Variants in CSMD1 observed in about 807,000 individuals in gnomAD.
CSMD1 encodes the protein CUB and sushi domain-containing protein 1.
A neutral mutation model predicts 417.5 loss-of-function variants in CSMD1; 213 were observed. The ratio of observed to expected loss-of-function variants is 0.51; its 90% CI spans 0.46 to 0.57. CSMD1 has a LOEUF of 0.57. Ranked by LOEUF, CSMD1 falls within the 20% of genes least tolerant of loss-of-function variation. The pLI is 0.00. For missense variants in CSMD1, 6,923 were observed against 4,529.7 expected (o/e 1.53, Z -15.17); for synonymous variants, 2,862 against 1,736.8 (o/e 1.65, Z -16.11).
At chr8:4,943,737 T>C (rs1054028425) in intron 1 of CSMD1, among the ~76,000 whole-genome samples, 1 of 152,132 alleles carries the variant, frequency 6.6e-6, no homozygotes, top group Non-Finnish European at 1.5e-5. Context: ...TCCATCATGA[T>C]GTGATAAGCA....
chr8:3,713,552 G>A (rs532888627), intron 6 of CSMD1, among the ~76,000 whole-genome samples: 156 of 152,066 alleles, frequency 1.0e-3, no homozygotes, highest in Non-Finnish European at 1.4e-3. Flanking sequence ...AAGATCCACT[G>A]AACTTCCAAG....
intron 23 of CSMD1, among the ~76,000 whole-genome samples, chr8:3,314,010 T>C (rs1178165887): frequency 6.6e-6 from 1 of 151,690 alleles, no homozygotes; most frequent in East Asian, 1.9e-4. Context: ...CTCAGCAAAC[T>C]ATCACAAGGA....
intron 7 of CSMD1, among the ~76,000 whole-genome samples, 191 bp downstream of exon 7, chr8:3,708,223 C>G (rs763807653): frequency 5.9e-5 from 9 of 152,140 alleles, no homozygotes; most frequent in Non-Finnish European, 1.0e-4. Context: ...GAGTTAGAAC[C>G]ACCACGACAT....
chr8:4,045,476 G>C (rs1056734777), intron 3 of CSMD1, among the ~76,000 whole-genome samples: 1 of 152,316 alleles, frequency 6.6e-6, no homozygotes, highest in Middle Eastern at 3.4e-3. Flanking sequence ...GCTGGGGTCA[G>C]AACACTGTCC....
At chr8:4,755,869 G>A (rs1350309) in intron 1 of CSMD1, among the ~76,000 whole-genome samples, 111,510 of 152,082 alleles carry the variant, frequency 0.73, 41,048 homozygotes, top group Admixed American at 0.78. Flanking sequence ...CTGGTCCAAC[G>A]TGAGAAACTC....
chr8:3,842,761 G>C lies in CSMD1; in HGVS notation c.819-88719C>G, dbSNP rs544097105. Among the ~76,000 whole-genome samples, 28 of 152,174 alleles carry C rather than the reference G, an allele frequency of 1.8e-4. No individual in the cohort carries two copies. In the South Asian group the frequency reaches 4.6e-3, roughly 25 times the overall value. ...TTGGGAAACAGAAAAAAAAAGAAGA[G>C]TTAATATTTGATTTCAAAACTGTCT... On this transcript the variant is annotated intron_variant, in intron 5 of 69. Coordinates refer to ENST00000635120, the MANE Select transcript of CSMD1 (RefSeq NM_033225.6).
intron 1 of CSMD1, among the ~76,000 whole-genome samples, chr8:4,669,456 C>T (rs7017479): frequency 0.017 from 2,604 of 152,266 alleles, 74 homozygotes; most frequent in African/African-American, 0.06. Flanking sequence ...GGAACAACTA[C>T]TTGGAACTCA....
intron 1 of CSMD1, among the ~76,000 whole-genome samples, chr8:4,902,000 G>A (rs575499824): frequency 2.6e-5 from 4 of 152,266 alleles, no homozygotes; most frequent in East Asian, 1.9e-4. Context: ...TCATTTAAGA[G>A]GCTGTAAGGA....
chr8:3,435,741 G>A (rs1031603183), intron 12 of CSMD1, among the ~76,000 whole-genome samples: 3 of 152,224 alleles, frequency 2.0e-5, no homozygotes, highest in African/African-American at 7.2e-5. Flanking sequence ...CACTCAATCA[G>A]GTTCTTCCTC....
chr8:4,674,493 G>A (rs964839783), intron 1 of CSMD1, among the ~76,000 whole-genome samples: 1 of 152,148 alleles, frequency 6.6e-6, no homozygotes, highest in Non-Finnish European at 1.5e-5. Flanking sequence ...CAAAGGGAAT[G>A]AGGGAACAGT....
intron 7 of CSMD1, among the ~76,000 whole-genome samples, chr8:3,631,988 T>G (rs1418047274): frequency 1.3e-5 from 2 of 152,236 alleles, no homozygotes; most frequent in African/African-American, 4.8e-5. Flanking sequence ...ATTGTACACT[T>G]AGAAATTACT....
At position 3,216,887 on chromosome 8, in the gene CSMD1, A is replaced by C. The variant is rs576047107; in HGVS notation, c.4673-2196T>G. 1.1e-4 allele frequency among the ~76,000 whole-genome samples: 16 copies of C among 152,362 alleles called. No homozygotes were observed. In the East Asian group the frequency reaches 3.1e-3, roughly 29 times the overall value. On this transcript the variant is annotated intron_variant, in intron 29 of 69. Transcript: ENST00000635120. ...AACTGGATCTGTCACCTGCTTTGCT[A>C]TCCACACCAGCACTTGCTCTGGGCT...
chr8:4,530,591 C>T (rs896486837), intron 2 of CSMD1, among the ~76,000 whole-genome samples: 3 of 150,916 alleles, frequency 2.0e-5, no homozygotes, highest in Non-Finnish European at 2.9e-5. Context: ...GAGGAACATG[C>T]GGTACTTGAT....
chr8:3,175,840 T>C (rs963865069), intron 37 of CSMD1, among the ~76,000 whole-genome samples: 3 of 152,188 alleles, frequency 2.0e-5, no homozygotes, highest in Non-Finnish European at 4.4e-5. Flanking sequence ...GGTTTCCTAG[T>C]AGTGAATGTG....
At chr8:4,085,214 C>T (rs925979582) in intron 3 of CSMD1, among the ~76,000 whole-genome samples, 4 of 152,122 alleles carry the variant, frequency 2.6e-5, no homozygotes, top group African/African-American at 7.2e-5. Flanking sequence ...CCCAGCTAGA[C>T]ATGAATCATC....
chr8:3,649,654 A>G (rs1409439888), intron 7 of CSMD1, among the ~76,000 whole-genome samples: 4 of 152,176 alleles, frequency 2.6e-5, no homozygotes, highest in South Asian at 2.1e-4. Flanking sequence ...AACCACCCCC[A>G]TGATTCCATT....
At chr8:4,497,332 A>G (rs1167567087) in intron 2 of CSMD1, among the ~76,000 whole-genome samples, 1 of 152,236 alleles carries the variant, frequency 6.6e-6, no homozygotes, top group African/African-American at 2.4e-5. Context: ...TTGACAAAGT[A>G]AATCTATTTA....
chr8:4,337,864 G>C (rs988325813), intron 3 of CSMD1, among the ~76,000 whole-genome samples: 4 of 152,098 alleles, frequency 2.6e-5, no homozygotes, highest in Non-Finnish European at 2.9e-5. Flanking sequence ...GACTTTAAGA[G>C]TAAAAATAGG....
At chr8:4,380,259 A>G (rs1045102849) in intron 3 of CSMD1, among the ~76,000 whole-genome samples, 1 of 152,128 alleles carries the variant, frequency 6.6e-6, no homozygotes, top group Non-Finnish European at 1.5e-5. Flanking sequence ...CAAGCCTGAC[A>G]AACACCTCTG....
Sources: allele counts gnomAD v4.1 joint callset (sites outside exome capture counted in the v4.1 genomes callset), GRCh38; gene constraint gnomAD v4.1.1; transcripts MANE v1.5; gene names NCBI Gene and HGNC (gene_info 2026-07-23, HGNC 2026-07-21).